Variants in TSGA10 observed in about 807,000 individuals in gnomAD.
TSGA10 encodes the protein testis-specific gene 10 protein.
In TSGA10, 43 loss-of-function variants were observed where a neutral mutation model predicts 96.6. The ratio of observed to expected loss-of-function variants is 0.44; its 90% confidence interval spans 0.35 to 0.57. The LOEUF (loss-of-function observed/expected upper bound fraction) is 0.57. TSGA10 is among the 20% of genes least tolerant of loss of function. The pLI, the probability that TSGA10 is intolerant of heterozygous loss-of-function variation, is 0.01. For synonymous variants in TSGA10, 229 were observed against 269.9 expected (o/e 0.85, Z 1.48); for missense variants, 703 against 834.4 (o/e 0.84, Z 1.94).
At chr2:99,153,230 C>T (rs772732265) in intron 1 of TSGA10, among the ~76,000 whole-genome samples, 11 of 152,126 alleles carry the variant, frequency 7.2e-5, no homozygotes, top group Non-Finnish European at 1.3e-4. Context: ...GAATGTCACC[C>T]GTGACCTTAG....
At chr2:99,030,689 A>G (rs2081055803) in intron 17 of TSGA10, among the ~76,000 whole-genome samples, 1 of 152,184 alleles carries the variant, frequency 6.6e-6, no homozygotes, top group Admixed American at 6.6e-5. Context: ...AATCAATTGT[A>G]CTTCTACATA....
intron 10 of TSGA10, among the ~76,000 whole-genome samples, chr2:99,094,177 T>C (rs781025946): frequency 6.6e-6 from 1 of 152,162 alleles, no homozygotes; most frequent in Non-Finnish European, 1.5e-5. Flanking sequence ...CAACAAATGG[T>C]GCTGGGATAA....
chr2:99,081,693 G>A (rs917949307), intron 10 of TSGA10, among the ~76,000 whole-genome samples: 6 of 152,086 alleles, frequency 3.9e-5, no homozygotes, highest in African/African-American at 1.4e-4. Context: ...GTTAGCTCTG[G>A]TTGGGGTTTG....
intron 20 of TSGA10, among the ~76,000 whole-genome samples, chr2:99,017,830 G>A (rs1340453044): frequency 6.6e-6 from 1 of 151,670 alleles, no homozygotes; most frequent in Non-Finnish European, 1.5e-5. Flanking sequence ...TGGGAGAAGA[G>A]TGAGGAATAA....
rs568614313 is a variant in TSGA10, at chr2:99,096,302, C to A, written c.611+7665G>T. Among the ~76,000 whole-genome samples, 10 of 152,302 alleles carry A rather than the reference C, an allele frequency of 6.6e-5. No individual in the cohort carries two copies. The South Asian group carries it at 8.3e-4, about 13-fold the overall frequency. ...AGCAAGCATGTTTTTTATGTCTTGG[C>A]AAGTTGTTATACACCTTTCTAAGTT... On this transcript the variant is annotated intron_variant, in intron 10 of 20. Coordinates refer to ENST00000393483, the MANE Select transcript of TSGA10 (RefSeq NM_025244.4).
intron 16 of TSGA10, among the ~76,000 whole-genome samples, chr2:99,061,890 A>G (rs2084733560): frequency 6.6e-6 from 1 of 152,224 alleles, no homozygotes; most frequent in Non-Finnish European, 1.5e-5. Flanking sequence ...TGGTGTCCTT[A>G]TAAGAATAGG....
intron 17 of TSGA10, among the ~76,000 whole-genome samples, chr2:99,034,725 T>C (rs942534993): frequency 2.0e-5 from 3 of 152,246 alleles, no homozygotes; most frequent in African/African-American, 7.2e-5. Context: ...GCTTTTAGTG[T>C]CTCTTATTAA....
intron 16 of TSGA10, among the ~76,000 whole-genome samples, chr2:99,059,275 T>C (rs1281513259): frequency 6.6e-6 from 1 of 151,718 alleles, no homozygotes; most frequent in East Asian, 1.9e-4. Flanking sequence ...TAAAGTGATA[T>C]GACCATCTCA....
chr2:99,005,680 G>A (rs1409954353), intron 20 of TSGA10, among the ~76,000 whole-genome samples: 3 of 152,220 alleles, frequency 2.0e-5, no homozygotes, highest in East Asian at 1.9e-4. Context: ...ATGCTCATGG[G>A]TAGGAAGAAT....
chr2:99,130,069 C>T (rs765213693), intron 1 of TSGA10, among the ~76,000 whole-genome samples: 5 of 152,284 alleles, frequency 3.3e-5, no homozygotes, highest in Non-Finnish European at 7.4e-5. Context: ...CAAGTCTTTA[C>T]TATTATGAAC....
At chr2:99,102,961 T>C (rs2090939269) in intron 10 of TSGA10, among the ~76,000 whole-genome samples, 1 of 152,204 alleles carries the variant, frequency 6.6e-6, no homozygotes, top group East Asian at 1.9e-4. Flanking sequence ...TGTACAACTT[T>C]TTGTAAAATG....
At chr2:99,061,924 C>A (rs2084738046) in intron 16 of TSGA10, among the ~76,000 whole-genome samples, 4 of 152,110 alleles carry the variant, frequency 2.6e-5, no homozygotes, top group Admixed American at 2.6e-4. Flanking sequence ...GATGTGCATG[C>A]ACAGAAGAAA....
chr2:99,091,796 G>A, intron 10 of TSGA10, among the ~76,000 whole-genome samples: 1 of 151,956 alleles, frequency 6.6e-6, no homozygotes, highest in Non-Finnish European at 1.5e-5. Context: ...CCTAATAATT[G>A]ACATAGACAG....
At chr2:99,084,205 A>C (rs946870895) in intron 10 of TSGA10, among the ~76,000 whole-genome samples, 1 of 152,210 alleles carries the variant, frequency 6.6e-6, no homozygotes, top group Non-Finnish European at 1.5e-5. Flanking sequence ...ATTTGATTCT[A>C]ATATGCAGCC....
At chr2:99,034,681 T>C (rs2081460276) in intron 17 of TSGA10, among the ~76,000 whole-genome samples, 1 of 152,170 alleles carries the variant, frequency 6.6e-6, no homozygotes, top group South Asian at 2.1e-4. Flanking sequence ...TCCTCCCTGA[T>C]ATTCCTGGGC....
chr2:99,135,498 A>G (rs2093287603), intron 1 of TSGA10, among the ~76,000 whole-genome samples: 2 of 152,246 alleles, frequency 1.3e-5, no homozygotes, highest in Admixed American at 1.3e-4. Flanking sequence ...TTTTTAATTT[A>G]TTCTTTATTT....
chr2:99,010,926 AG>A (rs1288139891), intron 20 of TSGA10, among the ~76,000 whole-genome samples: 3 of 152,132 alleles, frequency 2.0e-5, no homozygotes, highest in African/African-American at 7.2e-5. Context: ...GAGCTGGGCA[AG>A]GCCTCTTGCT....
intron 17 of TSGA10, among the ~76,000 whole-genome samples, chr2:99,034,585 T>G (rs907274897): frequency 3.3e-5 from 5 of 152,164 alleles, no homozygotes; most frequent in African/African-American, 1.2e-4. Context: ...GTACTTATTA[T>G]TCACTCCATA....
At chr2:99,047,417 A>C (rs568696678) in intron 16 of TSGA10, among the ~76,000 whole-genome samples, 2 of 152,340 alleles carry the variant, frequency 1.3e-5, no homozygotes, top group South Asian at 4.1e-4. Flanking sequence ...AGGCTGGTTC[A>C]ACATATGCAA....
Sources: allele counts gnomAD v4.1 joint callset (sites outside exome capture counted in the v4.1 genomes callset), GRCh38; gene constraint gnomAD v4.1.1; transcripts MANE v1.5; gene names NCBI Gene and HGNC (gene_info 2026-07-23, HGNC 2026-07-21).